Variants in ZNF655 observed in about 807,000 individuals in gnomAD.
ZNF655 encodes the protein Vav-interacting Kruppel-like protein 1.
A neutral mutation model predicts 6.6 loss-of-function variants in ZNF655; 3 were observed. That is an observed-to-expected ratio of 0.46 (90% confidence interval 0.21 to 1.18). The LOEUF (loss-of-function observed/expected upper bound fraction) is 1.18, where lower values mean the gene tolerates loss of function less well. Among genes scored for constraint, ZNF655 ranks in the 50% most tolerant of loss-of-function variants. ZNF655 has a pLI of 0.24. For synonymous variants in ZNF655, 178 were observed against 195.0 expected, an observed-to-expected ratio of 0.91 and a Z score of 0.73; for missense variants, 526 against 572.3, an observed-to-expected ratio of 0.92 and a Z score of 0.83.
At chr7:99,560,759 C>G in intron 2 of ZNF655, 64 bp downstream of exon 2, 1 of 1,580,168 alleles carries the variant, frequency 6.3e-7, no homozygotes, top group Non-Finnish European at 8.6e-7. Flanking sequence ...CGAGGGGGCT[C>G]CTGGGCCTGG....
At chr7:99,568,344 G>A (rs1201866950) in intron 2 of ZNF655, among the ~76,000 whole-genome samples, 12 of 148,406 alleles carry the variant, frequency 8.1e-5, no homozygotes, top group Non-Finnish European at 1.5e-4. Flanking sequence ...TCTGCCTCCC[G>A]GGTTCAAGCG....
chr7:99,571,172 T>A (rs756230501), intron 2 of ZNF655: 58 of 1,168,598 alleles, frequency 5.0e-5, no homozygotes, highest in Non-Finnish European at 6.1e-5. Flanking sequence ...ATATTACTCT[T>A]TGTTTTCTTA....
chr7:99,566,091 A>G (rs1344338770), intron 2 of ZNF655, among the ~76,000 whole-genome samples: 2 of 152,008 alleles, frequency 1.3e-5, no homozygotes, highest in Admixed American at 6.6e-5. Flanking sequence ...AATCCTTACC[A>G]TAACCCTGTG....
intron 1 of ZNF655, among the ~76,000 whole-genome samples, 184 bp from the exon 2 acceptor site, chr7:99,560,349 G>A (rs1803024996): frequency 6.6e-6 from 1 of 152,134 alleles, no homozygotes; most frequent in African/African-American, 2.4e-5. Flanking sequence ...CTCCCAAAGT[G>A]CTGGGATTAC....
intron 2 of ZNF655, among the ~76,000 whole-genome samples, chr7:99,569,935 T>C (rs533593829): frequency 6.6e-6 from 1 of 152,310 alleles, no homozygotes; most frequent in South Asian, 2.1e-4. Flanking sequence ...ACCTAATATA[T>C]AGTTTTTTAT....
At chr7:99,568,127 G>C (rs947284379) in intron 2 of ZNF655, among the ~76,000 whole-genome samples, 1 of 150,846 alleles carries the variant, frequency 6.6e-6, no homozygotes, top group Non-Finnish European at 1.5e-5. Flanking sequence ...ATTTTGGAAA[G>C]AATAGCAAGC....
Position 99,573,475 on chromosome 7 carries a change from A to C in ZNF655, c.1367A>C (p.Glu456Ala). 1 of 1,613,770 alleles carries C rather than the reference A, an allele frequency of 6.2e-7. No individual in the cohort carries two copies. Among genetic ancestry groups the C allele is most frequent in the Middle Eastern group, 1.6e-4 (1 of 6,062 alleles). The change falls in exon 3 of 3, where the codon GAA (glutamate) becomes GCA (alanine). Residue 456 changes from glutamate to alanine, a missense_variant. By Grantham distance (107) the Glu-to-Ala change is moderately radical. Coordinates refer to ENST00000252713, the MANE Select transcript of ZNF655 (RefSeq NM_138494.3). Reference protein sequence around the residue: ...SHSSDLILQQEVLTRQKAFDC... With the variant: ...SHSSDLILQQAVLTRQKAFDC... ...AGCTCAGATCTTATCCTGCAACAAG[A>C]AGTCCTCACCAGACAGAAAGCCTTT...
At chr7:99,560,750 G>A (rs376031790) in intron 2 of ZNF655, 55 bp downstream of exon 2, 4 of 1,590,236 alleles carry the variant, frequency 2.5e-6, no homozygotes, top group East Asian at 4.5e-5. Flanking sequence ...AGGGGCTCCC[G>A]AGGGGGCTCC....
chr7:99,570,801 G>A (rs1285633110), intron 2 of ZNF655: 2 of 152,522 alleles, frequency 1.3e-5, no homozygotes, highest in African/African-American at 2.4e-5. Context: ...CCTTGTATGT[G>A]TGCTATTAGA....
At position 99,572,511 on chromosome 7, in the gene ZNF655, G is replaced by A. The variant is rs150062522; in HGVS notation, c.403G>A (p.Glu135Lys). 1.5e-4 allele frequency: 250 copies of A among 1,613,910 alleles called. No homozygotes were observed. In the African/African-American group the frequency reaches 2.7e-3, roughly 18 times the overall value. Residue 135 changes from glutamate (E) to lysine (K), a missense_variant, in exon 3 of 3, where the codon GAA (glutamate) becomes AAA (lysine). Physicochemically the swap from Glu to Lys is moderately conservative, Grantham distance 56. Coordinates refer to ENST00000252713, the MANE Select transcript of ZNF655 (RefSeq NM_138494.3). ...GAAGAACAATGAATGTCATGAACCCGAAAAAAGCTTCAGTCTGGACTCTAC... is the reference window on the plus strand; with the variant it reads ...GAAGAACAATGAATGTCATGAACCCAAAAAAAGCTTCAGTCTGGACTCTAC... ...SEKNNECHEP[E>K]KSFSLDSTID...
At position 99,573,530 on chromosome 7, in the gene ZNF655, T is replaced by C; in HGVS notation, c.1422T>C (p.Ser474=). Residue 474 remains serine, a synonymous_variant, in exon 3 of 3, where the codon AGT becomes AGC. Transcript: ENST00000252713. ...FDCDVWEKNS[S]QRAHLVQHQS... is the part of the protein sequence containing the mutation. ...GTGATGTATGGGAAAAGAACTCCAGTCAGAGAGCACATCTAGTTCAACATC... is the reference window on the plus strand; with the variant it reads ...GTGATGTATGGGAAAAGAACTCCAGCCAGAGAGCACATCTAGTTCAACATC... The C allele has an allele frequency of 6.2e-7, 1 of 1,609,784 alleles. No homozygotes were observed.
chr7:99,561,285 A>G (rs1037259889), intron 2 of ZNF655, among the ~76,000 whole-genome samples: 1 of 152,196 alleles, frequency 6.6e-6, no homozygotes, highest in Non-Finnish European at 1.5e-5. Flanking sequence ...CCTTTGTTTT[A>G]TAAGAGCTGT....
chr7:99,564,644 A>T, intron 2 of ZNF655: 1 of 984,300 alleles, frequency 1.0e-6, no homozygotes, highest in Non-Finnish European at 1.2e-6. Context: ...GTAAAGTGAC[A>T]TACATATAAT....
At chr7:99,559,649 G>A (rs1802922445) in intron 1 of ZNF655, among the ~76,000 whole-genome samples, 1 of 152,104 alleles carries the variant, frequency 6.6e-6, no homozygotes, top group Admixed American at 6.6e-5. Flanking sequence ...TTTATTTGAG[G>A]TGGGCTGTCA....
In ZNF655 at chr7:99,571,233, C is replaced by A. The variant is rs1189845638; in HGVS notation, c.137-1012C>A. The A allele has an allele frequency of 5.4e-6, 7 of 1,287,594 alleles. No homozygotes were observed. The South Asian group carries it at 6.2e-5, about 11-fold the overall frequency. 79.8% of individuals were successfully genotyped at this position (1,287,594 alleles called of 1,614,324 possible). On this transcript the variant is annotated intron_variant, in intron 2 of 2. Coordinates refer to ENST00000252713, the MANE Select transcript of ZNF655 (RefSeq NM_138494.3). ...GAGATTGGTCCTTAGAATATTTATT[C>A]AGTTTTCACTGATTCTCTTGCTACA...
In ZNF655 at chr7:99,575,919, A is replaced by G. The variant is rs2151175289; in HGVS notation, c.*2335A>G. On this transcript the variant is annotated 3_prime_UTR_variant, in exon 3 of 3. Coordinates refer to ENST00000252713, the MANE Select transcript of ZNF655 (RefSeq NM_138494.3). ...TCAGGGCCACCATCATATACCTAAC[A>G]AGAGTTCATGATTCTTTAGGTAATG... The G allele has an allele frequency of 6.6e-6, 1 of 152,334 alleles. No homozygotes were observed. The highest frequency in any genetic ancestry group is 2.4e-5 in the African/African-American group (1 of 41,574). The allele number at this position is 152,334 out of a possible 1,614,324, so 9.4% of individuals were successfully genotyped here.
chr7:99,571,008 A>G (rs1804018238), intron 2 of ZNF655: 1 of 195,546 alleles, frequency 5.1e-6, no homozygotes, highest in Non-Finnish European at 1.1e-5. Flanking sequence ...ATTTTATTGT[A>G]GTTAGTTGTT....
chr7:99,568,619 A>T (rs1803812771), intron 2 of ZNF655, among the ~76,000 whole-genome samples: 1 of 151,498 alleles, frequency 6.6e-6, no homozygotes, highest in South Asian at 2.1e-4. Flanking sequence ...ATCCCTTTTA[A>T]TTTTTAATTT....
intron 1 of ZNF655, among the ~76,000 whole-genome samples, chr7:99,560,246 G>A (rs1442609591): frequency 2.0e-5 from 3 of 151,556 alleles, no homozygotes; most frequent in Admixed American, 2.0e-4. Flanking sequence ...CACCACGCTG[G>A]CTAATTTTTG....
Sources: allele counts gnomAD v4.1 joint callset (sites outside exome capture counted in the v4.1 genomes callset), GRCh38; gene constraint gnomAD v4.1.1; transcripts MANE v1.5; gene names NCBI Gene and HGNC (gene_info 2026-07-23, HGNC 2026-07-21).